The following AFAP1L2 variants were observed in gnomAD, a reference collection of about 807,000 sequenced individuals.
The protein encoded by AFAP1L2 is actin filament associated protein 1 like 2, also known as actin filament-associated protein 1-like 2.
AFAP1L2 carries 46 observed loss-of-function variants against 99.3 expected under a neutral mutation model. The observed-to-expected ratio is 0.46, with a 90% CI of 0.37 to 0.59. AFAP1L2 has a LOEUF of 0.59. AFAP1L2 is among the 20% of genes least tolerant of loss of function. AFAP1L2 has a pLI of 0.00. For missense variants in AFAP1L2, 959 were observed against 1,034.9 expected, an observed-to-expected ratio of 0.93 and a Z score of 1.01; for synonymous variants, 397 against 419.1, an observed-to-expected ratio of 0.95 and a Z score of 0.64.
intron 1 of AFAP1L2, among the ~76,000 whole-genome samples, chr10:114,360,525 A>ATAGATAGATAGT (rs2052185437): frequency 6.8e-6 from 1 of 148,006 alleles, no homozygotes; most frequent in Non-Finnish European, 1.5e-5. Context: ...AGATAGATAG[A>ATAGATAGATAGT]TAGATAGATA....
chr10:114,384,246 C>T (rs565290297), intron 1 of AFAP1L2, among the ~76,000 whole-genome samples: 1 of 152,166 alleles, frequency 6.6e-6, no homozygotes, highest in African/African-American at 2.4e-5. Flanking sequence ...CCATCCTTGC[C>T]TCCGCCTCTG....
At chr10:114,286,954 A>G in the AFAP1L2 span, among the ~76,000 whole-genome samples, 1 of 152,218 alleles carries the variant, frequency 6.6e-6, no homozygotes, top group Non-Finnish European at 1.5e-5. Flanking sequence ...ACACACACGG[A>G]TGCATGTGCA....
At chr10:114,332,680 C>G (rs2047411455) in intron 3 of AFAP1L2, among the ~76,000 whole-genome samples, 1 of 152,238 alleles carries the variant, frequency 6.6e-6, no homozygotes, top group African/African-American at 2.4e-5. Flanking sequence ...CCAGGCCCCT[C>G]CCTGGAGGTT....
At chr10:114,317,142 C>CGATTTTACTAAGAAGTACATTT in intron 5 of AFAP1L2, among the ~76,000 whole-genome samples, 1 of 151,536 alleles carries the variant, frequency 6.6e-6, no homozygotes, top group East Asian at 1.9e-4. Context: ...AAAATGTTGT[C>CGATTTTACTAAGAAGTACATTT]GATTTTACTA....
In AFAP1L2 at chr10:114,297,888, T is replaced by G. The variant is rs149026467; in HGVS notation, c.2114-475A>C. ...CTCTTGGGTTGATGCTGCCACACCGTGAAATGATGCCTAGGGCCTGTATCC... is the reference window on the plus strand; with the variant it reads ...CTCTTGGGTTGATGCTGCCACACCGGGAAATGATGCCTAGGGCCTGTATCC... On this transcript the variant is annotated intron_variant, in intron 16 of 18. Coordinates refer to ENST00000304129, the MANE Select transcript of AFAP1L2 (RefSeq NM_001001936.3). Among the ~76,000 whole-genome samples the G allele has an allele frequency of 1.1e-3, 164 of 152,210 alleles. 1 individual carries two copies. Among genetic ancestry groups the G allele is most frequent in the African/African-American group, 3.7e-3 (155 of 41,534 alleles).
chr10:114,391,657 G>A (rs997227601), intron 1 of AFAP1L2, among the ~76,000 whole-genome samples: 2 of 152,150 alleles, frequency 1.3e-5, no homozygotes, highest in Non-Finnish European at 2.9e-5. Context: ...CAATGACCAC[G>A]GCCATGAGGG....
intron 1 of AFAP1L2, among the ~76,000 whole-genome samples, chr10:114,373,790 C>T (rs11196715): frequency 0.18 from 27,181 of 152,070 alleles, 2,775 homozygotes; most frequent in African/African-American, 0.27. Context: ...CCCAGAGCTC[C>T]GTCTCTGCTC....
chr10:114,308,360 C>A (rs536030011), intron 9 of AFAP1L2, 73 bp downstream of exon 9: 91 of 1,354,142 alleles, frequency 6.7e-5, no homozygotes, highest in African/African-American at 8.7e-5. Flanking sequence ...CTGCTAAAAC[C>A]CATCAGGGTT....
At chr10:114,339,450 A>T (rs1284109471) in intron 2 of AFAP1L2, among the ~76,000 whole-genome samples, 3 of 152,360 alleles carry the variant, frequency 2.0e-5, no homozygotes, top group South Asian at 2.1e-4. Context: ...CCGTCTCAAA[A>T]AAAAAAGAAA....
chr10:114,340,961 C>G (rs529795308), intron 1 of AFAP1L2: 2 of 578,834 alleles, frequency 3.5e-6, no homozygotes, highest in African/African-American at 3.8e-5. Flanking sequence ...GAACAGCCTC[C>G]GCTGAAGTCC....
At chr10:114,325,775 C>T (rs1279245571) in intron 4 of AFAP1L2, 2 of 1,061,608 alleles carry the variant, frequency 1.9e-6, no homozygotes, top group Non-Finnish European at 2.4e-6. Context: ...CTTTCCTGGT[C>T]CCCCTGGTCA....
At chr10:114,303,417 C>A (rs2041578211) in intron 11 of AFAP1L2, among the ~76,000 whole-genome samples, 1 of 152,196 alleles carries the variant, frequency 6.6e-6, no homozygotes, top group Non-Finnish European at 1.5e-5. Flanking sequence ...AAGCAATTCT[C>A]CTGTGTCAGC....
Position 114,296,078 on chromosome 10 carries a change from C to CATTCA in AFAP1L2, c.2431-15_2431-11dup. ...CTTTCTTCTCCCATTCCTAGGGTAC[C>CATTCA]ATTCAAATACCAGCACCCACCCCCC... is the stretch of plus-strand genomic sequence containing the variant. On this transcript the variant is annotated splice_polypyrimidine_tract_variant and intron_variant, in intron 18 of 18. Coordinates refer to ENST00000304129, the MANE Select transcript of AFAP1L2 (RefSeq NM_001001936.3). 1 of 1,614,104 alleles carries CATTCA rather than the reference C, an allele frequency of 6.2e-7. No homozygotes were observed. The highest frequency in any genetic ancestry group is 8.5e-7 in the Non-Finnish European group (1 of 1,179,972).
intron 1 of AFAP1L2, among the ~76,000 whole-genome samples, chr10:114,360,791 A>C (rs1351033055): frequency 6.6e-6 from 1 of 152,224 alleles, no homozygotes; most frequent in Non-Finnish European, 1.5e-5. Flanking sequence ...TCCAATGAAC[A>C]TAGTTCAAAA....
chr10:114,301,717 T>TA (rs1446852860), intron 12 of AFAP1L2: 7 of 517,010 alleles, frequency 1.4e-5, no homozygotes, highest in Non-Finnish European at 2.4e-5. Context: ...CGCCTCGTCC[T>TA]AGGATCCCTT....
chr10:114,300,201 G>A lies in AFAP1L2; in HGVS notation c.1950C>T (p.Thr650=). The A allele has an allele frequency of 6.2e-7, 1 of 1,614,178 alleles. No homozygotes were observed. The highest frequency in any genetic ancestry group is 1.1e-5 in the South Asian group (1 of 91,076). The change falls in exon 15 of 19, where the codon ACC becomes ACT. Residue 650 remains threonine, a synonymous_variant. Transcript: ENST00000304129. Reference sequence around the variant, plus strand: ...TTCCCCAAGCACAAGTACCTGCACTGGTCACGCGCAACCTGTCCTTCACAG... The same window carrying A: ...TTCCCCAAGCACAAGTACCTGCACTAGTCACGCGCAACCTGTCCTTCACAG... ...SPPVKDRLRV[T]SAEIKLGKNR... is the part of the protein sequence containing the mutation.
chr10:114,348,791 T>C (rs562322526), intron 1 of AFAP1L2, among the ~76,000 whole-genome samples: 38 of 152,234 alleles, frequency 2.5e-4, no homozygotes, highest in Non-Finnish European at 4.6e-4. Flanking sequence ...AGAATTCTGC[T>C]GTCATTCCTC....
intron 1 of AFAP1L2, among the ~76,000 whole-genome samples, chr10:114,357,486 CT>C (rs1274278986): frequency 6.6e-6 from 1 of 152,144 alleles, no homozygotes; most frequent in Non-Finnish European, 1.5e-5. Flanking sequence ...TCACAGTACC[CT>C]TGTCTACCCA....
At chr10:114,283,775 C>T in the AFAP1L2 span, among the ~76,000 whole-genome samples, 2 of 152,252 alleles carry the variant, frequency 1.3e-5, no homozygotes, top group African/African-American at 2.4e-5. Flanking sequence ...CCACTGTCGT[C>T]GATCTCAGTG....
Sources: gnomAD v4.1 joint callset for allele counts (sites outside exome capture counted in the v4.1 genomes callset) on GRCh38, gnomAD v4.1.1 for gene constraint, MANE v1.5 for transcripts, NCBI Gene and HGNC (gene_info 2026-07-23, HGNC 2026-07-21) for gene names.